Variants in SP4 observed in about 807,000 individuals in gnomAD.
SP4 encodes the protein transcription factor Sp4.
A neutral mutation model predicts 72.8 loss-of-function variants in SP4; 19 were observed. The ratio of observed to expected loss-of-function variants is 0.26; its 90% CI spans 0.18 to 0.38. The LOEUF is 0.38. Among genes scored for constraint, SP4 ranks in the 10% least tolerant of loss-of-function variants. The probability of loss-of-function intolerance (pLI) is 1.00; values close to 1 mark genes in which losing one functional copy is unlikely to be tolerated. For missense variants in SP4, 1,008 were observed against 926.3 expected (o/e 1.09, Z -1.14); for synonymous variants, 395 against 333.1 (o/e 1.19, Z -2.02).
chr7:21,511,035 T>G lies in SP4; in HGVS notation c.2121T>G (p.Phe707Leu). 1 of 1,605,244 alleles carries G rather than the reference T, an allele frequency of 6.2e-7. No homozygotes were observed. The highest frequency in any genetic ancestry group is 8.5e-7 in the Non-Finnish European group (1 of 1,174,284). ...HRRTHTGEKR[F>L]ECPECSKRFM... ...TTTTCTATGTAGGTGAAAAGAGATT[T>G]GAATGCCCGGAATGTTCTAAAAGGT... The change falls in exon 6 of 6, where the codon TTT (phenylalanine) becomes TTG (leucine). Residue 707 changes from phenylalanine (F) to leucine (L), a missense_variant. Physicochemically the swap from Phe to Leu is conservative, Grantham distance 22. Transcript: ENST00000222584.
intron 3 of SP4, among the ~76,000 whole-genome samples, chr7:21,435,577 A>G (rs1783023893): frequency 6.6e-6 from 1 of 152,134 alleles, no homozygotes; most frequent in African/African-American, 2.4e-5. Flanking sequence ...GATTTCCCTA[A>G]TGGGCATCTG....
intron 3 of SP4, among the ~76,000 whole-genome samples, chr7:21,472,889 G>A (rs1187203523): frequency 6.6e-6 from 1 of 152,156 alleles, no homozygotes; most frequent in Admixed American, 6.5e-5. Flanking sequence ...ATGGAGTGGC[G>A]AGTGGTGTCA....
chr7:21,466,470 A>G (rs1342790620), intron 3 of SP4, among the ~76,000 whole-genome samples: 1 of 152,198 alleles, frequency 6.6e-6, no homozygotes, highest in Non-Finnish European at 1.5e-5. Flanking sequence ...CAGGTCCTCA[A>G]AGGAAGAAAC....
At chr7:21,498,095 CT>C (rs1355437144) in intron 5 of SP4, among the ~76,000 whole-genome samples, 1 of 152,184 alleles carries the variant, frequency 6.6e-6, no homozygotes, top group Non-Finnish European at 1.5e-5. Flanking sequence ...AAATTATCAT[CT>C]TTCCCCCCTT....
chr7:21,452,921 T>C (rs1312776712), intron 3 of SP4, among the ~76,000 whole-genome samples: 1 of 152,086 alleles, frequency 6.6e-6, no homozygotes, highest in African/African-American at 2.4e-5. Flanking sequence ...TAGCTGGGTC[T>C]ACAGGCACCT....
chr7:21,499,559 A>C (rs1781814435), intron 5 of SP4, among the ~76,000 whole-genome samples: 1 of 151,930 alleles, frequency 6.6e-6, no homozygotes, highest in Non-Finnish European at 1.5e-5. Context: ...GCAAGAAAGG[A>C]CTCTTCTCTA....
intron 3 of SP4, among the ~76,000 whole-genome samples, chr7:21,468,699 G>T (rs919312346): frequency 6.6e-6 from 1 of 151,650 alleles, no homozygotes; most frequent in African/African-American, 2.4e-5. Context: ...TGACAGTTTC[G>T]TTACTTCCTT....
intron 3 of SP4, among the ~76,000 whole-genome samples, chr7:21,433,895 A>G (rs1782956364): frequency 6.6e-6 from 1 of 152,132 alleles, no homozygotes; most frequent in Non-Finnish European, 1.5e-5. Context: ...GTGAGCCGAG[A>G]TCGCGCCATT....
chr7:21,498,946 A>T (rs1781794648), intron 5 of SP4, among the ~76,000 whole-genome samples: 1 of 151,830 alleles, frequency 6.6e-6, no homozygotes, highest in Non-Finnish European at 1.5e-5. Context: ...AGCTGGGCAC[A>T]GTGGCGGCCT....
chr7:21,493,898 A>G (rs189491622), intron 5 of SP4, among the ~76,000 whole-genome samples: 2 of 152,330 alleles, frequency 1.3e-5, no homozygotes, highest in Admixed American at 6.5e-5. Flanking sequence ...AGTTGTCAAA[A>G]TTTTCAACAA....
In SP4 at chr7:21,465,170, G is replaced by A. The variant is rs181912945; in HGVS notation, c.1679-11909G>A. ...TAGAAATAACTAGGTACCAAAGAGG[G>A]TGTATATCTTTGTTTTCCTAAGCTT... On this transcript the variant is annotated intron_variant, in intron 3 of 5. Transcript: ENST00000222584. Among the ~76,000 whole-genome samples, 669 of 152,128 alleles carry A rather than the reference G, an allele frequency of 4.4e-3. 4 individuals are homozygous for A. The highest frequency in any genetic ancestry group is 6.4e-3 in the Non-Finnish European group (433 of 67,996).
chr7:21,498,688 T>TAATA (rs1781785809), intron 5 of SP4, among the ~76,000 whole-genome samples: 1 of 152,338 alleles, frequency 6.6e-6, no homozygotes, highest in African/African-American at 2.4e-5. Context: ...ACTTAACTAC[T>TAATA]AATAGCCTGC....
At chr7:21,437,474 A>T (rs1412847495) in intron 3 of SP4, among the ~76,000 whole-genome samples, 3 of 152,172 alleles carry the variant, frequency 2.0e-5, no homozygotes, top group Non-Finnish European at 4.4e-5. Flanking sequence ...ACACTATGGC[A>T]TGGGGTTCTA....
chr7:21,485,752 A>C (rs993739202), intron 5 of SP4, among the ~76,000 whole-genome samples: 7 of 152,012 alleles, frequency 4.6e-5, no homozygotes, highest in Non-Finnish European at 1.0e-4. Flanking sequence ...TTTACCTGAA[A>C]TAATCTTTAG....
chr7:21,512,995 A>G lies in SP4; in HGVS notation c.*1726A>G, dbSNP rs1431371350. On this transcript the variant is annotated 3_prime_UTR_variant, in exon 6 of 6. Coordinates refer to ENST00000222584, the MANE Select transcript of SP4 (RefSeq NM_003112.5). Reference sequence around the variant, plus strand: ...TATTTACACAGAATCATAATCAGTGAAATTGACCATTTGAAAACTAAAAGT... The same window carrying G: ...TATTTACACAGAATCATAATCAGTGGAATTGACCATTTGAAAACTAAAAGT... 1 of 152,658 alleles carries G rather than the reference A, an allele frequency of 6.6e-6. No individual in the cohort carries two copies. Among genetic ancestry groups the G allele is most frequent in the African/African-American group, 2.4e-5 (1 of 41,456 alleles). The allele number at this position is 152,658 out of a possible 1,614,324, so 9.5% of individuals were successfully genotyped here.
At chr7:21,479,619 G>C (rs538886292) in intron 4 of SP4, among the ~76,000 whole-genome samples, 1 of 152,258 alleles carries the variant, frequency 6.6e-6, no homozygotes, top group East Asian at 1.9e-4. Flanking sequence ...CGGGACACTT[G>C]CAATTCCATG....
At chr7:21,473,619 G>A (rs1303662814) in intron 3 of SP4, among the ~76,000 whole-genome samples, 8 of 152,190 alleles carry the variant, frequency 5.3e-5, no homozygotes, top group Non-Finnish European at 8.8e-5. Flanking sequence ...ATATTGAGGG[G>A]AGCTTTTAGA....
chr7:21,446,923 G>T (rs748611633), intron 3 of SP4, among the ~76,000 whole-genome samples: 47 of 148,540 alleles, frequency 3.2e-4, no homozygotes, highest in South Asian at 6.2e-4. Context: ...CTCCATTAAA[G>T]AAGTTTAGTC....
At chr7:21,454,515 CT>C (rs1783702621) in intron 3 of SP4, among the ~76,000 whole-genome samples, 1 of 152,020 alleles carries the variant, frequency 6.6e-6, no homozygotes, top group Non-Finnish European at 1.5e-5. Flanking sequence ...TTTAACCTTC[CT>C]TACCAAAAAT....
Sources: gnomAD v4.1 joint callset for allele counts (sites outside exome capture counted in the v4.1 genomes callset) on GRCh38, gnomAD v4.1.1 for gene constraint, MANE v1.5 for transcripts, NCBI Gene and HGNC (gene_info 2026-07-23, HGNC 2026-07-21) for gene names.